The following MDN1 variants were observed in gnomAD, a reference collection of about 807,000 sequenced individuals.
MDN1 encodes the protein midasin.
In MDN1, 266 loss-of-function variants were observed where a neutral mutation model predicts 669.2. The observed-to-expected ratio is 0.40, with a 90% CI of 0.36 to 0.44. MDN1 has a LOEUF of 0.44. MDN1 is among the 20% of genes least tolerant of loss of function. The pLI, the probability that MDN1 is intolerant of heterozygous loss-of-function variation, is 1.00. For missense variants in MDN1, 5,940 were observed against 6,754.0 expected, an observed-to-expected ratio of 0.88 and a Z score of 4.22; for synonymous variants, 2,385 against 2,457.1, an observed-to-expected ratio of 0.97 and a Z score of 0.87.
At chr6:89,776,789 A>G (rs1240365257) in intron 11 of MDN1, 94 bp from the exon 12 acceptor site, 2 of 855,294 alleles carry the variant, frequency 2.3e-6, no homozygotes. Flanking sequence ...GGAGAAACAC[A>G]AAATCCAGCA....
At position 89,673,069 on chromosome 6, in the gene MDN1, CA is replaced by C. The variant is rs571245416; in HGVS notation, c.13474+166del. On this transcript the variant is annotated intron_variant, in intron 80 of 101. Coordinates refer to ENST00000369393, the MANE Select transcript of MDN1 (RefSeq NM_014611.3). ...GTAACAGGCATCCAAACAAATGGGG[CA>C]AAAAAGTTAAGAGCTGTGGATTTCA... Among the ~76,000 whole-genome samples, 289 of 152,198 alleles carry C rather than the reference CA, an allele frequency of 1.9e-3. 1 individual carries two copies. Among genetic ancestry groups the C allele is most frequent in the African/African-American group, 6.6e-3 (275 of 41,528 alleles).
chr6:89,743,339 T>C (rs982440421), intron 30 of MDN1, 59 bp from the exon 31 acceptor site: 29 of 1,597,124 alleles, frequency 1.8e-5, no homozygotes, highest in South Asian at 6.6e-5. Context: ...ACAATATACA[T>C]GCAGCTGGCT....
intron 44 of MDN1, 116 bp from the exon 45 acceptor site, chr6:89,715,885 T>C: frequency 1.4e-6 from 1 of 734,114 alleles, no homozygotes; most frequent in South Asian, 1.5e-5. Flanking sequence ...GCACAATCAT[T>C]CACCCAGATA....
At chr6:89,786,597 C>T (rs1215608166) in intron 8 of MDN1, among the ~76,000 whole-genome samples, 1 of 151,368 alleles carries the variant, frequency 6.6e-6, no homozygotes, top group Non-Finnish European at 1.5e-5. Context: ...CAAAGCAAAA[C>T]ACTGTCTCTA....
chr6:89,782,794 C>T (rs560591289), intron 9 of MDN1, among the ~76,000 whole-genome samples: 3 of 151,944 alleles, frequency 2.0e-5, no homozygotes, highest in Non-Finnish European at 4.4e-5. Context: ...AAAAAATTAG[C>T]TGGGCATGGT....
At chr6:89,659,268 C>T (rs1227810301) in intron 88 of MDN1, among the ~76,000 whole-genome samples, 1 of 152,172 alleles carries the variant, frequency 6.6e-6, no homozygotes, top group Non-Finnish European at 1.5e-5. Context: ...GGCTACTCAG[C>T]AGGCCGAGGC....
Position 89,678,614 on chromosome 6 carries a change from G to A in MDN1, c.12397C>T (p.His4133Tyr). The change falls in exon 75 of 102, where the codon CAC (histidine) becomes TAC (tyrosine). Residue 4133 changes from histidine (H) to tyrosine (Y), a missense_variant. Physicochemically the swap from His to Tyr is moderately conservative, Grantham distance 83. Around this residue, in one of 5 missense-constraint regions of MDN1, gnomAD observed 2,280 missense variants for 2,576.3 expected, o/e 0.88. Coordinates refer to ENST00000369393, the MANE Select transcript of MDN1 (RefSeq NM_014611.3). ...KQRALSDLFK[H>Y]LAKIGLSYRK... ...AGAACCTTACCAATTTTTGCAAGGT[G>A]TTTAAAGAGGTCTGACAAAGCTCGC... 1 of 1,613,842 alleles carries A rather than the reference G, an allele frequency of 6.2e-7. No homozygotes were observed. Among genetic ancestry groups the A allele is most frequent in the Non-Finnish European group, 8.5e-7 (1 of 1,179,914 alleles).
chr6:89,645,533 G>T (rs1808439879), intron 100 of MDN1, among the ~76,000 whole-genome samples: 1 of 152,152 alleles, frequency 6.6e-6, no homozygotes, highest in Admixed American at 6.5e-5. Context: ...ACTGAGAAGG[G>T]CATTAGAAGA....
rs774717909 is a variant in MDN1 at position 89,740,387 on chromosome 6, A to G, written c.4449-9T>C. The G allele has an allele frequency of 1.3e-6, 2 of 1,569,156 alleles. No homozygotes were observed. Among genetic ancestry groups the G allele is most frequent in the Non-Finnish European group, 8.6e-7 (1 of 1,166,764 alleles). On this transcript the variant is annotated splice_polypyrimidine_tract_variant and intron_variant, in intron 31 of 101. Transcript: ENST00000369393. Reference sequence around the variant, plus strand: ...TTTCTACTTCAAGGACACTAAAAGAAAAATTGAAGAACAGTGAAAAGGGCT... The same window carrying G: ...TTTCTACTTCAAGGACACTAAAAGAGAAATTGAAGAACAGTGAAAAGGGCT...
At chr6:89,720,937 C>A (rs1814775288) in intron 40 of MDN1, among the ~76,000 whole-genome samples, 1 of 152,118 alleles carries the variant, frequency 6.6e-6, no homozygotes. Flanking sequence ...GAGTACAAGA[C>A]CAGCCTGGAC....
intron 63 of MDN1, among the ~76,000 whole-genome samples, chr6:89,691,247 C>G (rs1354710329): frequency 6.6e-6 from 1 of 152,222 alleles, no homozygotes; most frequent in East Asian, 1.9e-4. Context: ...AGACTAGGGA[C>G]TGGGTGGTCA....
At chr6:89,694,330 C>A (rs1812574977) in intron 61 of MDN1, 147 bp from the exon 62 acceptor site, 2 of 649,896 alleles carry the variant, frequency 3.1e-6, no homozygotes, top group Non-Finnish European at 5.5e-6. Flanking sequence ...CTCCATTAAT[C>A]TACACCACTC....
At chr6:89,777,110 A>T (rs1447705001) in intron 11 of MDN1, among the ~76,000 whole-genome samples, 1 of 152,212 alleles carries the variant, frequency 6.6e-6, no homozygotes, top group Non-Finnish European at 1.5e-5. Context: ...CATGGTCATT[A>T]TCTTAACCTA....
chr6:89,770,326 C>T (rs1177423081), intron 15 of MDN1, among the ~76,000 whole-genome samples: 3 of 149,942 alleles, frequency 2.0e-5, no homozygotes, highest in East Asian at 3.9e-4. Context: ...ATCACCTGAA[C>T]GTGGGAGCCG....
intron 2 of MDN1, among the ~76,000 whole-genome samples, chr6:89,796,332 A>AC (rs1336710830): frequency 0.042 from 4,614 of 109,442 alleles, 228 homozygotes; most frequent in South Asian, 0.15. Context: ...CTCAAAAAAA[A>AC]AAAAAAAAAA....
intron 26 of MDN1, 113 bp from the exon 27 acceptor site, chr6:89,747,583 C>A: frequency 8.3e-7 from 1 of 1,206,812 alleles, no homozygotes; most frequent in Non-Finnish European, 1.1e-6. Flanking sequence ...TAAATGATTT[C>A]ATTCCACTGA....
chr6:89,707,488 T>G lies in MDN1; in HGVS notation c.7899-12A>C, dbSNP rs1813592025. The G allele has an allele frequency of 6.6e-7, 1 of 1,514,538 alleles. No homozygotes were observed. Among genetic ancestry groups the G allele is most frequent in the African/African-American group, 1.4e-5 (1 of 72,812 alleles). The allele number at this position is 1,514,538 out of a possible 1,614,324, so 93.8% of individuals were successfully genotyped here. A position where few individuals can be genotyped will look rare whatever the true frequency, so the allele number is the denominator to read the frequency against. Reference sequence around the variant, plus strand: ...GATATATGATTGTCCTGGAATGAGATTCAAAAAACGTAACAAATAGCTATC... The same window carrying G: ...GATATATGATTGTCCTGGAATGAGAGTCAAAAAACGTAACAAATAGCTATC... On this transcript the variant is annotated splice_polypyrimidine_tract_variant and intron_variant, in intron 51 of 101. Coordinates refer to ENST00000369393, the MANE Select transcript of MDN1 (RefSeq NM_014611.3).
chr6:89,800,546 C>A (rs903418370), intron 2 of MDN1, among the ~76,000 whole-genome samples: 4 of 152,130 alleles, frequency 2.6e-5, no homozygotes, highest in African/African-American at 9.7e-5. Context: ...GCTTACTGTC[C>A]CCCTCCCCCA....
chr6:89,677,947 A>T (rs1811328713), intron 75 of MDN1, among the ~76,000 whole-genome samples: 1 of 152,264 alleles, frequency 6.6e-6, no homozygotes, highest in East Asian at 1.9e-4. Context: ...TGCTGCAAGC[A>T]TATGGTACAG....
Sources: allele counts gnomAD v4.1 joint callset (sites outside exome capture counted in the v4.1 genomes callset), GRCh38; gene constraint gnomAD v4.1.1; regional missense constraint gnomAD v4.1.1; transcripts MANE v1.5; gene names NCBI Gene and HGNC (gene_info 2026-07-23, HGNC 2026-07-21).